OPCML: variants seen among roughly 807,000 people sequenced by gnomAD.
OPCML encodes the protein opioid-binding protein/cell adhesion molecule.
A neutral mutation model predicts 37.8 loss-of-function variants in OPCML; 13 were observed. The ratio of observed to expected loss-of-function variants is 0.34; its 90% CI spans 0.22 to 0.55. OPCML has a LOEUF of 0.55. Ranked by LOEUF, OPCML falls within the 20% of genes least tolerant of loss-of-function variation. The pLI is 0.91. For synonymous variants in OPCML, 176 were observed against 168.8 expected (o/e 1.04, Z -0.33); for missense variants, 341 against 435.6 (o/e 0.78, Z 1.93).
chr11:133,493,835 C>T (rs1262114408), intron 1 of OPCML, among the ~76,000 whole-genome samples: 2 of 151,978 alleles, frequency 1.3e-5, no homozygotes, highest in African/African-American at 4.8e-5. Context: ...TTAGGTCTAA[C>T]GTTTAAGTCT....
rs745984094 is a variant in OPCML, at chr11:132,657,113, G to A, written c.353C>T (p.Thr118Met). Residue 118 changes from threonine to methionine, a missense_variant, in exon 3 of 8, where the codon ACG becomes ATG. Coordinates refer to ENST00000524381, the MANE Select transcript of OPCML (RefSeq NM_001012393.5). ...TTGCACTATTAGGTGAACCCGGGAC[G>A]TTTTGGGATGATTGTCTGTCTGCAC... ...CSVQTDNHPK[T>M]SRVHLIVQVP... 29 of 1,614,218 alleles carry A rather than the reference G, an allele frequency of 1.8e-5. No homozygotes were observed. Among genetic ancestry groups the A allele is most frequent in the Non-Finnish European group, 2.2e-5 (26 of 1,180,030 alleles).
At chr11:133,193,228 A>G (rs1248312335) in intron 1 of OPCML, among the ~76,000 whole-genome samples, 1 of 152,160 alleles carries the variant, frequency 6.6e-6, no homozygotes, top group East Asian at 1.9e-4. Flanking sequence ...CAATCCCTCC[A>G]TTTCTGAATA....
At chr11:133,413,518 C>CA (rs1028392596) in intron 1 of OPCML, among the ~76,000 whole-genome samples, 3 of 151,004 alleles carry the variant, frequency 2.0e-5, no homozygotes, top group East Asian at 1.9e-4. Flanking sequence ...TAAAAACAAA[C>CA]AAAAAAAAGA....
chr11:133,373,887 A>G, intron 1 of OPCML, among the ~76,000 whole-genome samples: 1 of 152,178 alleles, frequency 6.6e-6, no homozygotes, highest in Non-Finnish European at 1.5e-5. Flanking sequence ...ATGTATCATA[A>G]TATGTTTAAC....
At chr11:133,214,029 T>C (rs1427119854) in intron 1 of OPCML, among the ~76,000 whole-genome samples, 2 of 152,184 alleles carry the variant, frequency 1.3e-5, no homozygotes, top group Non-Finnish European at 2.9e-5. Flanking sequence ...CTGTACTCAA[T>C]GGCATAACAA....
At chr11:132,919,685 A>G (rs1944723954) in intron 2 of OPCML, among the ~76,000 whole-genome samples, 1 of 152,116 alleles carries the variant, frequency 6.6e-6, no homozygotes, top group Non-Finnish European at 1.5e-5. Context: ...GATCTCAGCA[A>G]GTACCGTGAT....
At chr11:132,670,731 CTATT>C (rs1292733072) in intron 2 of OPCML, among the ~76,000 whole-genome samples, 2 of 152,016 alleles carry the variant, frequency 1.3e-5, no homozygotes, top group Non-Finnish European at 2.9e-5. Flanking sequence ...TCCAAAGAAA[CTATT>C]TTTTTTTAGC....
At chr11:133,350,227 A>G (rs1166482466) in intron 1 of OPCML, among the ~76,000 whole-genome samples, 1 of 152,198 alleles carries the variant, frequency 6.6e-6, no homozygotes, top group African/African-American at 2.4e-5. Flanking sequence ...AGGAGAATAT[A>G]ATTTAAGTGC....
chr11:132,678,504 C>T (rs1942806464), intron 2 of OPCML, among the ~76,000 whole-genome samples: 1 of 152,150 alleles, frequency 6.6e-6, no homozygotes, highest in South Asian at 2.1e-4. Flanking sequence ...AGAGGTTCTT[C>T]AGTAGGTGAG....
At chr11:132,535,205 CA>C (rs1222090516) in intron 3 of OPCML, among the ~76,000 whole-genome samples, 1 of 151,914 alleles carries the variant, frequency 6.6e-6, no homozygotes. Flanking sequence ...CTCTAGCTAC[CA>C]GAGTAAAAAG....
At chr11:133,195,095 G>C (rs1273434299) in intron 1 of OPCML, among the ~76,000 whole-genome samples, 1 of 152,192 alleles carries the variant, frequency 6.6e-6, no homozygotes, top group African/African-American at 2.4e-5. Context: ...TCGGATTCCA[G>C]AGTGCATGAG....
chr11:132,770,143 A>C (rs1232514656), intron 2 of OPCML, among the ~76,000 whole-genome samples: 4 of 152,352 alleles, frequency 2.6e-5, no homozygotes, highest in African/African-American at 7.2e-5. Flanking sequence ...TCGCATAATT[A>C]TTCAGAAGTC....
intron 1 of OPCML, among the ~76,000 whole-genome samples, chr11:133,313,134 G>C (rs1943107334): frequency 6.6e-6 from 1 of 152,174 alleles, no homozygotes. Flanking sequence ...TATGCGGTCT[G>C]CATCCCCATC....
At chr11:133,146,565 G>A (rs956717385) in intron 1 of OPCML, among the ~76,000 whole-genome samples, 4 of 151,828 alleles carry the variant, frequency 2.6e-5, no homozygotes, top group African/African-American at 4.8e-5. Context: ...TGCCCGCCTC[G>A]GCCTCCCAAA....
At chr11:132,660,409 T>C (rs983898862) in intron 2 of OPCML, among the ~76,000 whole-genome samples, 1 of 152,232 alleles carries the variant, frequency 6.6e-6, no homozygotes, top group Non-Finnish European at 1.5e-5. Flanking sequence ...CAATTTATTT[T>C]AATGCAATGA....
intron 2 of OPCML, among the ~76,000 whole-genome samples, chr11:132,911,118 A>G (rs1027773367): frequency 6.6e-6 from 1 of 152,216 alleles, no homozygotes; most frequent in Non-Finnish European, 1.5e-5. Flanking sequence ...ATTCACCCCA[A>G]TTCTCTTCTA....
At chr11:132,979,127 C>T (rs555469369) in intron 1 of OPCML, among the ~76,000 whole-genome samples, 6 of 152,180 alleles carry the variant, frequency 3.9e-5, no homozygotes, top group African/African-American at 1.4e-4. Context: ...AAAACACATT[C>T]GGAATCCCAT....
intron 3 of OPCML, among the ~76,000 whole-genome samples, chr11:132,621,851 G>A (rs938291103): frequency 1.3e-5 from 2 of 152,144 alleles, no homozygotes; most frequent in Non-Finnish European, 1.5e-5. Context: ...ATGGATAAGA[G>A]CACAAAAACC....
chr11:133,242,373 C>T (rs61912366), intron 1 of OPCML, among the ~76,000 whole-genome samples: 5 of 152,146 alleles, frequency 3.3e-5, no homozygotes, highest in Non-Finnish European at 5.9e-5. Flanking sequence ...GTAATCTGCT[C>T]GGGCTGCTGA....
Sources: gnomAD v4.1 joint callset for allele counts (sites outside exome capture counted in the v4.1 genomes callset) on GRCh38, gnomAD v4.1.1 for gene constraint, MANE v1.5 for transcripts, NCBI Gene and HGNC (gene_info 2026-07-23, HGNC 2026-07-21) for gene names.